SV2C: variants seen among roughly 807,000 people sequenced by gnomAD.
SV2C encodes solute carrier family 22 member B3.
SV2C carries 49 observed loss-of-function variants against 79.7 expected under a neutral mutation model. The observed-to-expected ratio is 0.61, with a 90% CI of 0.49 to 0.78. SV2C has a LOEUF of 0.78. Ranked by LOEUF, SV2C falls within the 30% of genes least tolerant of loss-of-function variation. The pLI is 0.00. For synonymous variants in SV2C, 334 were observed against 333.2 expected, an observed-to-expected ratio of 1.00 and a Z score of -0.03; for missense variants, 833 against 912.9, an observed-to-expected ratio of 0.91 and a Z score of 1.13.
At chr5:75,874,721 A>G in the SV2C span, among the ~76,000 whole-genome samples, 3,745 of 152,280 alleles carry the variant, frequency 0.025, 160 homozygotes, top group African/African-American at 0.086. Context: ...TACAGGATAC[A>G]AAATCAATTT....
At chr5:76,245,911 AGT>A (rs58481475) in intron 4 of SV2C, among the ~76,000 whole-genome samples, 34,473 of 145,010 alleles carry the variant, frequency 0.24, 4,169 homozygotes, top group African/African-American at 0.28. Flanking sequence ...GAGGCAGGGG[AGT>A]GTGTGTGTGT....
Position 76,150,663 on chromosome 5 carries a change from G to A in SV2C, c.580+18333G>A, listed in dbSNP as rs533960910. Among the ~76,000 whole-genome samples, 16 of 100,630 alleles carry A rather than the reference G, an allele frequency of 1.6e-4. No individual in the cohort carries two copies. In the South Asian group the frequency reaches 5.7e-3, roughly 36 times the overall value. The allele number at this position is 100,630 out of a possible 152,430, so 66.0% of individuals were successfully genotyped here. A position where few individuals can be genotyped will look rare whatever the true frequency, so the allele number is the denominator to read the frequency against. ...TTTTTTTTTTTTTTTTTTGAGACCA[G>A]GTGTCACTCTGTTGCCCAGGCTGGA... On this transcript the variant is annotated intron_variant, in intron 2 of 12. Transcript: ENST00000502798.
chr5:76,063,190 T>C, the SV2C span, among the ~76,000 whole-genome samples: 9 of 152,266 alleles, frequency 5.9e-5, no homozygotes, highest in Middle Eastern at 3.4e-3. Flanking sequence ...GGCTGATGAA[T>C]TGTTCACTCC....
the SV2C span, among the ~76,000 whole-genome samples, chr5:75,919,442 A>G: frequency 6.6e-6 from 1 of 152,222 alleles, no homozygotes; most frequent in Non-Finnish European, 1.5e-5. Flanking sequence ...TAACTTTACT[A>G]TTAAATGCAA....
At chr5:76,237,404 T>C (rs892043351) in intron 4 of SV2C, among the ~76,000 whole-genome samples, 20 of 152,190 alleles carry the variant, frequency 1.3e-4, no homozygotes, top group African/African-American at 4.8e-4. Flanking sequence ...GGGTGAACTA[T>C]CTTACCACCA....
the SV2C span, among the ~76,000 whole-genome samples, chr5:75,979,832 G>T: frequency 6.6e-6 from 1 of 151,958 alleles, no homozygotes; most frequent in Non-Finnish European, 1.5e-5. Context: ...AGAACCAAGG[G>T]CAGATAAATC....
intron 2 of SV2C, among the ~76,000 whole-genome samples, chr5:76,140,601 T>C (rs1437141530): frequency 6.6e-6 from 1 of 152,180 alleles, no homozygotes; most frequent in African/African-American, 2.4e-5. Flanking sequence ...CCAATCTTTT[T>C]AGAGTGTGTC....
intron 12 of SV2C, among the ~76,000 whole-genome samples, chr5:76,304,122 A>G (rs1748106510): frequency 6.6e-6 from 1 of 152,252 alleles, no homozygotes; most frequent in African/African-American, 2.4e-5. Context: ...CACCAGCACG[A>G]TAACACAAAG....
chr5:76,125,533 T>A (rs1246556082), intron 1 of SV2C, among the ~76,000 whole-genome samples: 1 of 152,176 alleles, frequency 6.6e-6, no homozygotes, highest in African/African-American at 2.4e-5. Context: ...TGGAAATGAT[T>A]GGGTAACAAA....
At chr5:76,346,656 T>C (rs1749550276) in intron 12 of SV2C, among the ~76,000 whole-genome samples, 1 of 152,258 alleles carries the variant, frequency 6.6e-6, no homozygotes, top group South Asian at 2.1e-4. Flanking sequence ...TATATTTTGT[T>C]TGCACTTTTT....
chr5:76,274,962 A>G (rs1374376658), intron 4 of SV2C, among the ~76,000 whole-genome samples: 3 of 152,212 alleles, frequency 2.0e-5, no homozygotes, highest in African/African-American at 7.2e-5. Flanking sequence ...GGCCCTTGAA[A>G]AAATGGATTT....
At chr5:76,232,198 G>A (rs1745442321) in intron 4 of SV2C, among the ~76,000 whole-genome samples, 1 of 146,008 alleles carries the variant, frequency 6.8e-6, no homozygotes, top group African/African-American at 2.8e-5. Context: ...GTGATGGTGA[G>A]CATTTTTTCA....
At chr5:75,949,300 G>A in the SV2C span, among the ~76,000 whole-genome samples, 2 of 151,978 alleles carry the variant, frequency 1.3e-5, no homozygotes, top group South Asian at 2.1e-4. Flanking sequence ...CTTCTTTATA[G>A]CAATGCAAGA....
At chr5:76,107,641 A>G (rs539144648) in intron 1 of SV2C, among the ~76,000 whole-genome samples, 1 of 152,302 alleles carries the variant, frequency 6.6e-6, no homozygotes, top group South Asian at 2.1e-4. Flanking sequence ...AGGCAGGCGG[A>G]TCACTTGAGG....
At chr5:75,985,273 G>A in the SV2C span, among the ~76,000 whole-genome samples, 1 of 151,952 alleles carries the variant, frequency 6.6e-6, no homozygotes, top group Non-Finnish European at 1.5e-5. Context: ...GAGAGGGAGG[G>A]CATTAATCTA....
the SV2C span, among the ~76,000 whole-genome samples, chr5:75,895,292 GA>G: frequency 6.6e-6 from 1 of 151,972 alleles, no homozygotes; most frequent in East Asian, 1.9e-4. Flanking sequence ...ACACACAAGA[GA>G]AAAAGCAATC....
chr5:75,947,764 T>C, the SV2C span, among the ~76,000 whole-genome samples: 1 of 152,046 alleles, frequency 6.6e-6, no homozygotes, highest in African/African-American at 2.4e-5. Context: ...TAACCCCTTA[T>C]TAACATTTCT....
At chr5:76,317,652 G>T (rs1748675154) in intron 12 of SV2C, among the ~76,000 whole-genome samples, 1 of 152,014 alleles carries the variant, frequency 6.6e-6, no homozygotes, top group African/African-American at 2.4e-5. Flanking sequence ...AAACATAGTG[G>T]GTACCCCATC....
chr5:76,309,823 G>GT (rs763874901), intron 12 of SV2C, among the ~76,000 whole-genome samples: 24 of 151,974 alleles, frequency 1.6e-4, no homozygotes, highest in Admixed American at 3.9e-4. Context: ...TTTTGTTTAT[G>GT]TTTTTTAATT....
Sources: gnomAD v4.1 joint callset for allele counts (sites outside exome capture counted in the v4.1 genomes callset) on GRCh38, gnomAD v4.1.1 for gene constraint, MANE v1.5 for transcripts, NCBI Gene and HGNC (gene_info 2026-07-23, HGNC 2026-07-21) for gene names.